PLA2R1: variants seen among roughly 807,000 people sequenced by gnomAD.
The protein encoded by PLA2R1 is secretory phospholipase A2 receptor.
A neutral mutation model predicts 195.9 loss-of-function variants in PLA2R1; 158 were observed. That is an observed-to-expected ratio of 0.81 (90% confidence interval 0.71 to 0.92). The LOEUF (loss-of-function observed/expected upper bound fraction) is 0.92, where lower values mean the gene tolerates loss of function less well. PLA2R1 is among the 40% of genes least tolerant of loss of function. The pLI is 0.00. For synonymous variants in PLA2R1, 586 were observed against 598.2 expected (o/e 0.98, Z 0.30); for missense variants, 1,626 against 1,764.6 (o/e 0.92, Z 1.41).
At chr2:159,982,246 G>A (rs893525290) in intron 13 of PLA2R1, among the ~76,000 whole-genome samples, 6 of 152,106 alleles carry the variant, frequency 3.9e-5, no homozygotes, top group African/African-American at 1.2e-4. Flanking sequence ...TTGGATTTGC[G>A]GCCTCACACC....
intron 11 of PLA2R1, among the ~76,000 whole-genome samples, chr2:159,998,883 T>TA (rs1242919904): frequency 4.6e-5 from 7 of 152,152 alleles, no homozygotes; most frequent in African/African-American, 2.4e-5. Flanking sequence ...ATTTAACTGT[T>TA]AGAGTTCTTT....
chr2:160,020,026 G>A lies in PLA2R1; in HGVS notation c.1452+80C>T, dbSNP rs542299468. On this transcript the variant is annotated intron_variant, in intron 8 of 29. Coordinates refer to ENST00000283243, the MANE Select transcript of PLA2R1 (RefSeq NM_007366.5). ...AGGGACTGCACCTGTCTTGGTCTCT[G>A]CCACAGCCCAAAGCTCCAACACAGG... 2.0e-5 allele frequency: 21 copies of A among 1,056,228 alleles called. No homozygotes were observed. The South Asian group carries it at 3.2e-4, about 16-fold the overall frequency. 65.4% of individuals were successfully genotyped at this position (1,056,228 alleles called of 1,614,324 possible).
At chr2:160,053,642 C>G (rs1029340840) in intron 1 of PLA2R1, among the ~76,000 whole-genome samples, 1 of 152,232 alleles carries the variant, frequency 6.6e-6, no homozygotes, top group South Asian at 2.1e-4. Flanking sequence ...TGCACTGCCC[C>G]GAAATGCTAC....
chr2:160,060,160 A>G (rs950925843), intron 1 of PLA2R1, among the ~76,000 whole-genome samples: 1 of 152,236 alleles, frequency 6.6e-6, no homozygotes, highest in Non-Finnish European at 1.5e-5. Context: ...TTACATAGCC[A>G]TTATTAGTGG....
chr2:159,930,407 C>CA (rs11389351), downstream of PLA2R1, among the ~76,000 whole-genome samples: 33,481 of 115,270 alleles, frequency 0.29, 4,579 homozygotes, highest in East Asian at 0.54. Flanking sequence ...GACTCCGTCT[C>CA]AAAAAAAAAA....
At chr2:159,972,904 T>A (rs1031310466) in intron 17 of PLA2R1, among the ~76,000 whole-genome samples, 1 of 152,172 alleles carries the variant, frequency 6.6e-6, no homozygotes, top group African/African-American at 2.4e-5. Context: ...ATGGAAACAT[T>A]TTATTAAAAT....
chr2:159,946,118 G>T, intron 27 of PLA2R1: 1 of 780,094 alleles, frequency 1.3e-6, no homozygotes, highest in Non-Finnish European at 1.6e-6. Flanking sequence ...GGGCAATAGT[G>T]TATTGTCTGA....
At chr2:159,959,332 A>G (rs185322345) in intron 20 of PLA2R1, among the ~76,000 whole-genome samples, 100 of 152,226 alleles carry the variant, frequency 6.6e-4, no homozygotes, top group Non-Finnish European at 4.9e-4. Context: ...TGCTTCCTCT[A>G]TGTTTGCCTC....
chr2:160,048,802 T>G (rs1695042182), intron 1 of PLA2R1, among the ~76,000 whole-genome samples: 1 of 151,984 alleles, frequency 6.6e-6, no homozygotes, highest in Non-Finnish European at 1.5e-5. Flanking sequence ...ATTATAAGTT[T>G]AGGAGGAGAA....
intron 17 of PLA2R1, among the ~76,000 whole-genome samples, chr2:159,970,780 T>C (rs1689107280): frequency 6.6e-6 from 1 of 152,132 alleles, no homozygotes. Context: ...ATTATCCTTT[T>C]GATGAGTTCA....
intron 4 of PLA2R1, among the ~76,000 whole-genome samples, chr2:160,029,810 T>A (rs1231017108): frequency 6.6e-6 from 1 of 152,180 alleles, no homozygotes; most frequent in Non-Finnish European, 1.5e-5. Context: ...ATAATGAAAG[T>A]GGCAATTTTG....
intron 17 of PLA2R1, 139 bp downstream of exon 17, chr2:159,975,929 C>T: frequency 1.4e-6 from 1 of 700,012 alleles, no homozygotes; most frequent in African/African-American, 1.8e-5. Flanking sequence ...AAATCTATGG[C>T]TTTACTGAAA....
intron 3 of PLA2R1, among the ~76,000 whole-genome samples, chr2:160,035,641 C>A (rs550657964): frequency 6.6e-6 from 1 of 152,218 alleles, no homozygotes; most frequent in Admixed American, 6.5e-5. Flanking sequence ...TCATATATAA[C>A]TTTGAGTCTC....
chr2:160,036,192 T>C (rs181783451), intron 3 of PLA2R1, among the ~76,000 whole-genome samples: 2 of 152,354 alleles, frequency 1.3e-5, no homozygotes, highest in East Asian at 3.9e-4. Context: ...CCATTACATC[T>C]ACCTACCTAG....
At chr2:160,022,560 G>C (rs1326839306) in intron 7 of PLA2R1, 105 bp downstream of exon 7, 3 of 599,212 alleles carry the variant, frequency 5.0e-6, no homozygotes, top group African/African-American at 1.8e-5. Context: ...TATGTGCAAT[G>C]AATAACCACT....
intron 17 of PLA2R1, among the ~76,000 whole-genome samples, chr2:159,973,190 A>C (rs1239233841): frequency 3.9e-5 from 6 of 152,098 alleles, no homozygotes; most frequent in Non-Finnish European, 7.4e-5. Flanking sequence ...GGATTGACCC[A>C]TTCCAGCAGG....
intron 29 of PLA2R1, 57 bp from the exon 30 acceptor site, chr2:159,942,049 T>C (rs1044299277): frequency 7.7e-6 from 12 of 1,556,704 alleles, no homozygotes; most frequent in African/African-American, 5.4e-5. Flanking sequence ...TGAAGTAATA[T>C]AGATACTGTC....
chr2:159,966,352 C>T (rs1239919651), intron 20 of PLA2R1, among the ~76,000 whole-genome samples: 4 of 152,104 alleles, frequency 2.6e-5, no homozygotes, highest in Non-Finnish European at 2.9e-5. Context: ...TTCAAAGACA[C>T]AGAAAGTAGA....
At position 159,951,374 on chromosome 2, in the gene PLA2R1, C is replaced by T. The variant is rs1474972044; in HGVS notation, c.3506G>A (p.Gly1169Glu). ...GAACAGTCCAATCCAGTGGGCATAT[C>T]CTAGCCGGTTGAGGACAACAGTGAG... The part of the protein sequence containing the change: ...SFLTVVLNRL[G>E]YAHWIGLFTT... The change falls in exon 24 of 30, where the codon GGA becomes GAA. Residue 1169 changes from glycine (G) to glutamate (E), a missense_variant. Coordinates refer to ENST00000283243, the MANE Select transcript of PLA2R1 (RefSeq NM_007366.5). 1 of 1,612,800 alleles carries T rather than the reference C, an allele frequency of 6.2e-7. No individual in the cohort carries two copies. Among genetic ancestry groups the T allele is most frequent in the Non-Finnish European group, 8.5e-7 (1 of 1,178,880 alleles).
Sources: gnomAD v4.1 joint callset for allele counts (sites outside exome capture counted in the v4.1 genomes callset) on GRCh38, gnomAD v4.1.1 for gene constraint, MANE v1.5 for transcripts, NCBI Gene and HGNC (gene_info 2026-07-23, HGNC 2026-07-21) for gene names.